The following MYH2 variants were observed in gnomAD, a reference collection of about 807,000 sequenced individuals.
The protein encoded by MYH2 is myosin heavy chain 2, also known as myosin-2.
A neutral mutation model predicts 228.1 loss-of-function variants in MYH2; 139 were observed. The ratio of observed to expected loss-of-function variants is 0.61; its 90% confidence interval spans 0.53 to 0.70. The LOEUF (loss-of-function observed/expected upper bound fraction) is 0.70. MYH2 is among the 30% of genes least tolerant of loss of function. MYH2 has a pLI of 0.00. For missense variants in MYH2, 1,809 were observed against 2,357.5 expected, an observed-to-expected ratio of 0.77 and a Z score of 4.82; for synonymous variants, 796 against 871.1, an observed-to-expected ratio of 0.91 and a Z score of 1.52.
rs775704853 is a variant in MYH2, at chr17:10,525,437, TG to T, written c.4537+13del. 1 of 1,614,174 alleles carries T rather than the reference TG, an allele frequency of 6.2e-7. No homozygotes were observed. The highest frequency in any genetic ancestry group is 1.1e-5 in the South Asian group (1 of 91,076). ...TCCAAGTTATGAATATTATTGAATA[TG>T]ATAGGGACTTACGCTGTAAGTTTTT... On this transcript the variant is annotated intron_variant, in intron 32 of 39. Transcript: ENST00000245503. The surrounding 1 kb of genome is among the most constrained non-coding windows in gnomAD (Gnocchi z 4.2).
In MYH2 at chr17:10,547,529, A is replaced by G. The variant is rs771276915; in HGVS notation, c.294T>C (p.His98=). The G allele has an allele frequency of 1.9e-6, 3 of 1,614,012 alleles. No homozygotes were observed. The highest frequency in any genetic ancestry group is 1.3e-5 in the African/African-American group (1 of 74,908). The change falls in exon 4 of 40, where the codon CAT becomes CAC. Residue 98 remains histidine (H), a synonymous_variant. Transcript: ENST00000245503. The part of the protein sequence containing the change: ...IEDMAMMTHL[H]EPAVLYNLKE... The stretch of plus-strand genomic sequence containing the variant: ...TGAGGTTGTACAGCACAGCAGGCTC[A>G]TGCAGATGAGTCATCATGGCCATAT...
At chr17:10,534,951 T>C in intron 19 of MYH2, 122 bp downstream of exon 19, 2 of 1,254,988 alleles carry the variant, frequency 1.6e-6, no homozygotes. Flanking sequence ...GACTTGTAAT[T>C]TTTTTACTTC....
intron 5 of MYH2, among the ~76,000 whole-genome samples, chr17:10,544,355 A>G (rs1459041862): frequency 6.6e-6 from 1 of 152,204 alleles, no homozygotes; most frequent in Non-Finnish European, 1.5e-5. Flanking sequence ...CTTCCAAGAA[A>G]TATTTCCTTC....
chr17:10,539,094 A>G (rs2073518660), intron 14 of MYH2, 111 bp downstream of exon 14: 8 of 1,592,312 alleles, frequency 5.0e-6, no homozygotes, highest in Middle Eastern at 2.3e-4. Context: ...TTTAAGGCTT[A>G]AAATAATTTC....
Position 10,537,221 on chromosome 17 carries a change from T to A in MYH2, c.1897+12A>T, listed in dbSNP as rs756030458. On this transcript the variant is annotated intron_variant, in intron 16 of 39. Transcript: ENST00000245503. This position sits in a 1 kb window ranked among gnomAD's most constrained non-coding sequence, Gnocchi z 4.0. ...TAATACCTAGAGAGTATTATTAACA[T>A]TTGAGCATTACCTCCTTCAGCAGTT... The A allele has an allele frequency of 6.2e-7, 1 of 1,614,112 alleles. No individual in the cohort carries two copies. Among genetic ancestry groups the A allele is most frequent in the Admixed American group, 1.7e-5 (1 of 60,034 alleles).
intron 10 of MYH2, 91 bp from the exon 11 acceptor site, chr17:10,540,788 T>C (rs2073542644): frequency 8.6e-7 from 1 of 1,157,544 alleles, no homozygotes; most frequent in Non-Finnish European, 1.3e-6. Context: ...ACTATATTGT[T>C]GTGGGAACTC....
intron 35 of MYH2, 93 bp from the exon 36 acceptor site, chr17:10,523,977 A>G (rs2073317676): frequency 7.5e-7 from 1 of 1,325,958 alleles, no homozygotes. Context: ...AAAAATTTGC[A>G]AGTCAAAAAA....
intron 10 of MYH2, among the ~76,000 whole-genome samples, chr17:10,541,558 T>C (rs2073555508): frequency 6.6e-6 from 1 of 152,234 alleles, no homozygotes; most frequent in South Asian, 2.1e-4. Flanking sequence ...ACCCCAGTCC[T>C]GTGATCTCAC....
rs200726747 is a variant in MYH2 at position 10,523,321 on chromosome 17, T to C, written c.5564A>G (p.Glu1855Gly). 3.7e-6 allele frequency: 6 copies of C among 1,614,114 alleles called. No individual in the cohort carries two copies. Among genetic ancestry groups the C allele is most frequent in the Non-Finnish European group, 5.1e-6 (6 of 1,180,046 alleles). ...GLRKHERRVK[E>G]LTYQTEEDRK... The stretch of plus-strand genomic sequence containing the variant: ...TACTGGCTGTACCTGGTAAGTGAGT[T>C]CCTTCACTCGCCTCTCATGTTTGCG... The change falls in exon 38 of 40, where the codon GAA becomes GGA. Residue 1855 changes from glutamate (E) to glycine (G), a missense_variant. By Grantham distance (98) the Glu-to-Gly change is moderately conservative. Coordinates refer to ENST00000245503, the MANE Select transcript of MYH2 (RefSeq NM_017534.6).
rs115696612 is a variant in MYH2 at position 10,544,586 on chromosome 17, G to C, written c.506-459C>G. Reference sequence around the variant, plus strand: ...AAGGCGTAATGAAGAATGAGCATTAGAGATATTTTTAATGTGTGAAAAGGA... The same window carrying C: ...AAGGCGTAATGAAGAATGAGCATTACAGATATTTTTAATGTGTGAAAAGGA... On this transcript the variant is annotated intron_variant, in intron 5 of 39. Coordinates refer to ENST00000245503, the MANE Select transcript of MYH2 (RefSeq NM_017534.6). Among the ~76,000 whole-genome samples, 775 of 152,344 alleles carry C rather than the reference G, an allele frequency of 5.1e-3. 9 individuals carry two copies. Among genetic ancestry groups the C allele is most frequent in the African/African-American group, 0.018 (743 of 41,578 alleles).
chr17:10,524,889 A>G lies in MYH2; in HGVS notation c.4839T>C (p.Ser1613=), dbSNP rs1042185. Residue 1613 remains serine, a synonymous_variant, in exon 34 of 40, where the codon AGT becomes AGC. Coordinates refer to ENST00000245503, the MANE Select transcript of MYH2 (RefSeq NM_017534.6). This position sits in a 1 kb window ranked among gnomAD's most constrained non-coding sequence, Gnocchi z 4.7. The stretch of plus-strand genomic sequence containing the variant: ...TCTTGAGCCTAATGGCATCATTCCT[A>G]CTCCTGATCTCAGCATCCAGCGTGC... ...MQSTLDAEIR[S]RNDAIRLKKK... is the part of the protein sequence containing the mutation. 4.3e-5 allele frequency: 69 copies of G among 1,613,046 alleles called. No individual in the cohort carries two copies. Among genetic ancestry groups the G allele is most frequent in the South Asian group, 9.9e-5 (9 of 91,022 alleles).
chr17:10,535,077 G>C lies in MYH2; in HGVS notation c.2176C>G (p.Gln726Glu), dbSNP rs904850136. ...CCATAATCAGGAGAAACTGACCTCT[G>C]TTTGAAGTCTGCATAAAGGATTCTG... Reference protein sequence around the residue: ...PSRILYADFKQRYKVLNASAI... With the variant: ...PSRILYADFKERYKVLNASAI... Residue 726 changes from glutamine (Q) to glutamate (E), a missense_variant, in exon 19 of 40, where the codon CAG becomes GAG. Transcript: ENST00000245503. 1.2e-6 allele frequency: 2 copies of C among 1,613,906 alleles called. No individual in the cohort carries two copies. Among genetic ancestry groups the C allele is most frequent in the Admixed American group, 3.3e-5 (2 of 60,002 alleles).
chr17:10,531,812 A>G lies in MYH2; in HGVS notation c.2518T>C (p.Phe840Leu), dbSNP rs1242325182. ...VKHWPWMKLF[F>L]KIKPLLKSAE... ...CTCTTCAACAGAGGCTTGATCTTGA[A>G]GAAGAGTTTCATCCAGGGCCAGTGC... Residue 840 changes from phenylalanine (F) to leucine (L), a missense_variant, in exon 22 of 40, where the codon TTC becomes CTC. Phe to Leu is a conservative substitution (Grantham distance 22). Coordinates refer to ENST00000245503, the MANE Select transcript of MYH2 (RefSeq NM_017534.6). The G allele has an allele frequency of 2.5e-6, 4 of 1,614,174 alleles. No individual in the cohort carries two copies. The highest frequency in any genetic ancestry group is 8.5e-7 in the Non-Finnish European group (1 of 1,180,012).
chr17:10,548,414 T>C (rs534708057), intron 2 of MYH2, among the ~76,000 whole-genome samples: 6 of 152,346 alleles, frequency 3.9e-5, no homozygotes, highest in African/African-American at 1.4e-4. Context: ...CATTTATATA[T>C]GAGATGTCAT....
Position 10,542,874 on chromosome 17 carries a change from C to T in MYH2, c.904+1G>A, listed in dbSNP as rs879255253. 2 of 1,576,308 alleles carry T rather than the reference C, an allele frequency of 1.3e-6. No individual in the cohort carries two copies. Among genetic ancestry groups the T allele is most frequent in the Non-Finnish European group, 1.7e-6 (2 of 1,146,220 alleles). On this transcript the variant is annotated splice_donor_variant, in intron 10 of 39. Transcript: ENST00000245503. LOFTEE classifies it high-confidence loss of function. ...TGGAAAAGAATTATGACATTTCTTA[C>T]CAATAAGTTCTGGTTTCTTATTCGA...
rs1441597167 is a variant in MYH2 at position 10,529,269 on chromosome 17, A to G, written c.3264-17T>C. On this transcript the variant is annotated splice_polypyrimidine_tract_variant and intron_variant, in intron 25 of 39. Transcript: ENST00000245503. ...AACTCTTTCCTTTTAGAAAAGTAGC[A>G]AAGGACAACAATTTAGTCCGTATCT... is the stretch of plus-strand genomic sequence containing the variant. 6.2e-7 allele frequency: 1 copy of G among 1,614,206 alleles called. No homozygotes were observed. The highest frequency in any genetic ancestry group is 1.7e-5 in the Admixed American group (1 of 60,038).
At position 10,547,368 on chromosome 17, in the gene MYH2, G is replaced by A. The variant is rs1472449889; in HGVS notation, c.348+107C>T. On this transcript the variant is annotated intron_variant, in intron 4 of 39. Coordinates refer to ENST00000245503, the MANE Select transcript of MYH2 (RefSeq NM_017534.6). ...GCCTTTTAACTAGTTATGCTGCAAT[G>A]AAAGTGAAATGGGTCACTACCTGTG... The A allele has an allele frequency of 1.2e-5, 17 of 1,409,884 alleles. No individual in the cohort carries two copies. In the Admixed American group the frequency reaches 2.8e-4, roughly 24 times the overall value. 87.3% of individuals were successfully genotyped at this position (1,409,884 alleles called of 1,614,324 possible). A position where few individuals can be genotyped will look rare whatever the true frequency, so the allele number is the denominator to read the frequency against.
At chr17:10,530,674 A>G (rs2073414154) in intron 22 of MYH2, among the ~76,000 whole-genome samples, 1 of 152,204 alleles carries the variant, frequency 6.6e-6, no homozygotes, top group African/African-American at 2.4e-5. Flanking sequence ...TGAAGGAGAC[A>G]CTGGAATATA....
At position 10,529,221 on chromosome 17, in the gene MYH2, T is replaced by G. The variant is rs772888885; in HGVS notation, c.3295A>C (p.Lys1099Gln). The change falls in exon 26 of 40, where the codon AAG becomes CAG. Residue 1099 changes from lysine (K) to glutamine (Q), a missense_variant. By Grantham distance (53) the Lys-to-Gln change is moderately conservative. This residue lies in a region of MYH2 where 636 missense variants were observed against 729.9 expected (regional missense o/e 0.87). Coordinates refer to ENST00000245503, the MANE Select transcript of MYH2 (RefSeq NM_017534.6). ...CCAAGTGCCTGTTCATCTTCAATCT[T>G]GCTTTGCAGATTGCTGATTTCAAAC... ...KEFEISNLQS[K>Q]IEDEQALGIQ... 2 of 1,614,236 alleles carry G rather than the reference T, an allele frequency of 1.2e-6. No individual in the cohort carries two copies.
Sources: gnomAD v4.1 joint callset for allele counts (sites outside exome capture counted in the v4.1 genomes callset) on GRCh38, gnomAD v4.1.1 for gene constraint, gnomAD v4.1.1 regional missense constraint, Gnocchi (gnomAD v3.1) non-coding constraint, MANE v1.5 for transcripts, NCBI Gene and HGNC (gene_info 2026-07-23, HGNC 2026-07-21) for gene names.